The following SPATA13 variants were observed in gnomAD, a reference collection of about 807,000 sequenced individuals.
SPATA13 encodes the protein spermatogenesis associated 13.
SPATA13 carries 50 observed loss-of-function variants against 104.0 expected under a neutral mutation model. That is an observed-to-expected ratio of 0.48 (90% CI 0.38 to 0.61). The LOEUF is 0.61. Among genes scored for constraint, SPATA13 ranks in the 20% least tolerant of loss-of-function variants. The pLI is 0.00. For synonymous variants in SPATA13, 606 were observed against 667.5 expected (o/e 0.91, Z 1.42); for missense variants, 1,524 against 1,690.6 (o/e 0.90, Z 1.73).
intron 2 of SPATA13, among the ~76,000 whole-genome samples, chr13:24,238,961 C>T (rs1402313191): frequency 6.6e-6 from 1 of 152,162 alleles, no homozygotes; most frequent in African/African-American, 2.4e-5. Context: ...CCTGTGCGGG[C>T]AGTCCATGTG....
In SPATA13 at chr13:24,284,288, C is replaced by G; in HGVS notation, c.2301+17C>G. On this transcript the variant is annotated intron_variant, in intron 5 of 12. Coordinates refer to ENST00000382108, the MANE Select transcript of SPATA13 (RefSeq NM_001166271.3). ...ATCAATGAGGTACTGGAATTCCACA[C>G]GACAGTAGTGGATACGGGATACCTG... 1 of 1,610,388 alleles carries G rather than the reference C, an allele frequency of 6.2e-7. No individual in the cohort carries two copies. Among genetic ancestry groups the G allele is most frequent in the Non-Finnish European group, 8.5e-7 (1 of 1,177,504 alleles).
intron 2 of SPATA13, among the ~76,000 whole-genome samples, chr13:24,002,261 A>G (rs1876012450): frequency 6.6e-6 from 1 of 152,202 alleles, no homozygotes; most frequent in Non-Finnish European, 1.5e-5. Context: ...CTGTGATTGA[A>G]AAACCGTGTT....
chr13:24,241,764 C>T (rs1032171751), intron 2 of SPATA13, among the ~76,000 whole-genome samples: 4 of 152,212 alleles, frequency 2.6e-5, no homozygotes, highest in African/African-American at 4.8e-5. Flanking sequence ...AAAGATTATT[C>T]CACCAGGCCA....
intron 3 of SPATA13, among the ~76,000 whole-genome samples, chr13:24,018,341 G>T (rs780383948): frequency 1.3e-5 from 2 of 152,114 alleles, no homozygotes; most frequent in Non-Finnish European, 2.9e-5. Flanking sequence ...GCAAAAGATC[G>T]TTTTTTCCAT....
chr13:24,116,702 A>C (rs764343144), intron 3 of SPATA13, among the ~76,000 whole-genome samples: 80 of 152,166 alleles, frequency 5.3e-4, no homozygotes, highest in Middle Eastern at 3.4e-3. Context: ...TCTCTGCAGC[A>C]TTAGGGGTTC....
At chr13:23,994,264 A>G (rs929428444) in intron 2 of SPATA13, among the ~76,000 whole-genome samples, 1 of 152,222 alleles carries the variant, frequency 6.6e-6, no homozygotes, top group Admixed American at 6.5e-5. Context: ...TTAAAAAGAT[A>G]TTGTGTAGGG....
intron 3 of SPATA13, among the ~76,000 whole-genome samples, chr13:24,090,901 C>G (rs768572798): frequency 1.3e-5 from 2 of 152,172 alleles, no homozygotes; most frequent in Non-Finnish European, 2.9e-5. Context: ...TATTAAATAT[C>G]CAGATTCCCT....
intron 4 of SPATA13, chr13:24,273,112 G>C (rs1480615524): frequency 6.6e-6 from 1 of 152,502 alleles, no homozygotes; most frequent in Non-Finnish European, 1.5e-5. Context: ...AGGAACAGAA[G>C]ACAGGCACTG....
At chr13:24,122,489 G>T (rs1288964436) in intron 3 of SPATA13, 3 of 1,607,700 alleles carry the variant, frequency 1.9e-6, no homozygotes, top group African/African-American at 2.7e-5. Context: ...AAATATTCTT[G>T]CCCATCTTCA....
intron 3 of SPATA13, among the ~76,000 whole-genome samples, chr13:24,080,263 A>C (rs1428686903): frequency 6.6e-6 from 1 of 152,214 alleles, no homozygotes; most frequent in Non-Finnish European, 1.5e-5. Flanking sequence ...AACACACCCC[A>C]GTAAGGTTTA....
rs1566211195 is a variant in SPATA13 at position 24,306,968 on chromosome 13, G to GT, written c.*4201dup. On this transcript the variant is annotated 3_prime_UTR_variant, in exon 13 of 13. Transcript: ENST00000382108. ...TAACTTGATATGTATTTTTGTTGAA[G>GT]TTTTTTGTAAAAAAAAATTATTTAC... The GT allele has an allele frequency of 1.3e-5, 2 of 151,926 alleles. No individual in the cohort carries two copies. The highest frequency in any genetic ancestry group is 3.9e-4 in the East Asian group (2 of 5,190). The allele number at this position is 151,926 out of a possible 1,614,324, so 9.4% of individuals were successfully genotyped here.
chr13:24,213,735 A>C (rs757938630), intron 1 of SPATA13, among the ~76,000 whole-genome samples: 13 of 152,208 alleles, frequency 8.5e-5, no homozygotes, highest in Admixed American at 2.0e-4. Context: ...CGATCCTATT[A>C]ATATTTTTAA....
chr13:24,152,423 A>G (rs1426811926), intron 3 of SPATA13, among the ~76,000 whole-genome samples: 1 of 152,238 alleles, frequency 6.6e-6, no homozygotes, highest in East Asian at 1.9e-4. Flanking sequence ...CTCTGTGCCT[A>G]CTTCACAGCT....
At chr13:24,191,196 G>A (rs1006732715) in intron 1 of SPATA13, among the ~76,000 whole-genome samples, 21 of 151,994 alleles carry the variant, frequency 1.4e-4, no homozygotes, top group African/African-American at 3.9e-4. Flanking sequence ...GGCTGGTCTC[G>A]ATCACCTGGC....
intron 1 of SPATA13, among the ~76,000 whole-genome samples, chr13:24,212,706 A>T (rs556692048): frequency 6.6e-6 from 1 of 152,346 alleles, no homozygotes; most frequent in African/African-American, 2.4e-5. Context: ...AGTGGGTCAC[A>T]CTGAAACACA....
chr13:24,105,444 C>CTTTTT (rs764465032), intron 3 of SPATA13, among the ~76,000 whole-genome samples: 6 of 143,118 alleles, frequency 4.2e-5, no homozygotes, highest in South Asian at 2.2e-4. Flanking sequence ...TGACTTCTTA[C>CTTTTT]TTTTTTTTTT....
intron 1 of SPATA13, among the ~76,000 whole-genome samples, chr13:24,176,599 G>T (rs1593383623): frequency 6.6e-6 from 1 of 151,606 alleles, no homozygotes; most frequent in Non-Finnish European, 1.5e-5. Flanking sequence ...CTGGGTCCTG[G>T]CAGGAATCCC....
chr13:24,112,842 C>T (rs761898456), intron 3 of SPATA13, among the ~76,000 whole-genome samples: 17 of 152,222 alleles, frequency 1.1e-4, no homozygotes, highest in Admixed American at 2.6e-4. Context: ...TTCTTACCCA[C>T]GCATTCACTC....
intron 11 of SPATA13, 58 bp from the exon 12 acceptor site, chr13:24,300,343 T>C (rs1877094765): frequency 7.1e-6 from 10 of 1,411,016 alleles, no homozygotes; most frequent in Non-Finnish European, 9.9e-6. Context: ...GATACAAGTT[T>C]TGCTCTGAAA....
Sources: allele counts gnomAD v4.1 joint callset (sites outside exome capture counted in the v4.1 genomes callset), GRCh38; gene constraint gnomAD v4.1.1; transcripts MANE v1.5; gene names NCBI Gene and HGNC (gene_info 2026-07-23, HGNC 2026-07-21).